The following LRRTM4 variants were observed in gnomAD, a reference collection of about 807,000 sequenced individuals.
LRRTM4 encodes leucine rich repeat transmembrane neuronal 4, also known as leucine-rich repeat transmembrane neuronal protein 4.
Under a neutral mutation model 47.6 loss-of-function variants are expected in LRRTM4, and 25 were observed. The ratio of observed to expected loss-of-function variants is 0.53; its 90% confidence interval spans 0.38 to 0.73. LRRTM4 has a LOEUF of 0.73. Ranked by LOEUF, LRRTM4 falls within the 30% of genes least tolerant of loss-of-function variation. LRRTM4 has a pLI of 0.00. For synonymous variants in LRRTM4, 311 were observed against 269.5 expected, an observed-to-expected ratio of 1.15 and a Z score of -1.51; for missense variants, 638 against 713.4, an observed-to-expected ratio of 0.89 and a Z score of 1.20.
intron 3 of LRRTM4, among the ~76,000 whole-genome samples, chr2:77,352,581 C>A (rs1333527748): frequency 6.6e-6 from 1 of 152,036 alleles, no homozygotes; most frequent in African/African-American, 2.4e-5. Context: ...TGAGGAGAGA[C>A]CAAGTTTGTC....
At chr2:76,839,266 G>C (rs1671605489) in intron 3 of LRRTM4, among the ~76,000 whole-genome samples, 1 of 152,090 alleles carries the variant, frequency 6.6e-6, no homozygotes, top group African/African-American at 2.4e-5. Context: ...GACAATTTCT[G>C]AAAGGGAAGC....
chr2:76,891,404 A>G (rs768621435), intron 3 of LRRTM4, among the ~76,000 whole-genome samples: 36 of 151,924 alleles, frequency 2.4e-4, no homozygotes, highest in Middle Eastern at 3.4e-3. Flanking sequence ...GGAAGGAAAA[A>G]ATTAAGTATT....
At chr2:76,882,499 C>T (rs1250421356) in intron 3 of LRRTM4, among the ~76,000 whole-genome samples, 3 of 151,360 alleles carry the variant, frequency 2.0e-5, no homozygotes, top group Non-Finnish European at 4.4e-5. Context: ...CGAGACCAAT[C>T]CAAGCAACAA....
chr2:76,892,206 G>C (rs1268317219), intron 3 of LRRTM4, among the ~76,000 whole-genome samples: 1 of 150,470 alleles, frequency 6.6e-6, no homozygotes, highest in African/African-American at 2.4e-5. Flanking sequence ...AAATAGAAAT[G>C]GTTTAAAACT....
chr2:76,958,604 CAT>C (rs1208182718), intron 3 of LRRTM4, among the ~76,000 whole-genome samples: 1 of 151,714 alleles, frequency 6.6e-6, no homozygotes. Flanking sequence ...CACTATCTCT[CAT>C]GTGCAGATTC....
At chr2:77,084,462 T>A (rs140589588) in intron 3 of LRRTM4, among the ~76,000 whole-genome samples, 10 of 152,360 alleles carry the variant, frequency 6.6e-5, no homozygotes, top group African/African-American at 2.4e-4. Flanking sequence ...TACCATGTTG[T>A]GTTCTTTCTC....
chr2:77,367,285 A>T (rs202055611), intron 3 of LRRTM4, among the ~76,000 whole-genome samples: 1 of 151,066 alleles, frequency 6.6e-6, no homozygotes, highest in East Asian at 1.9e-4. Context: ...TCATTATTTG[A>T]TTTTTTTAAT....
chr2:77,303,215 C>A (rs1428356224), intron 3 of LRRTM4, among the ~76,000 whole-genome samples: 6 of 151,874 alleles, frequency 4.0e-5, no homozygotes, highest in Non-Finnish European at 8.8e-5. Flanking sequence ...GAGCCAAGAT[C>A]GTGCCATTGC....
chr2:77,474,501 A>G (rs938523636), intron 3 of LRRTM4, among the ~76,000 whole-genome samples: 1 of 152,134 alleles, frequency 6.6e-6, no homozygotes, highest in Non-Finnish European at 1.5e-5. Context: ...CAATGTCAAG[A>G]GTAAGGTTGG....
intron 3 of LRRTM4, among the ~76,000 whole-genome samples, chr2:76,900,801 G>C (rs909341000): frequency 2.4e-4 from 37 of 152,258 alleles, no homozygotes; most frequent in African/African-American, 8.4e-4. Context: ...AACATTATGG[G>C]AAAATGTTCA....
chr2:77,384,461 T>C (rs146510442), intron 3 of LRRTM4, among the ~76,000 whole-genome samples: 101 of 151,948 alleles, frequency 6.6e-4, no homozygotes, highest in African/African-American at 2.3e-3. Context: ...ATGTCTAACA[T>C]ACATTAAACT....
chr2:77,339,227 A>G (rs1461044172), intron 3 of LRRTM4, among the ~76,000 whole-genome samples: 1 of 152,040 alleles, frequency 6.6e-6, no homozygotes, highest in African/African-American at 2.4e-5. Flanking sequence ...ACAAACCTGC[A>G]CAAGTACCTC....
intron 3 of LRRTM4, among the ~76,000 whole-genome samples, chr2:76,822,171 G>A (rs1020459274): frequency 1.3e-5 from 2 of 151,256 alleles, no homozygotes; most frequent in Admixed American, 1.3e-4. Context: ...TGAACAGCAC[G>A]TGCCTTGTGC....
chr2:76,888,439 AT>A lies in LRRTM4; in HGVS notation c.1552-139524del, dbSNP rs376018086. ...AGTCATATTCAAAAGTTTAACAGTT[AT>A]TCTCTATTGATGGTAACTTATTTTT... is the stretch of plus-strand genomic sequence containing the variant. On this transcript the variant is annotated intron_variant, in intron 3 of 3. Coordinates refer to ENST00000409884, the MANE Select transcript of LRRTM4 (RefSeq NM_001134745.3). Among the ~76,000 whole-genome samples, 754 of 151,716 alleles carry A rather than the reference AT, an allele frequency of 5.0e-3. 4 individuals carry two copies. The highest frequency in any genetic ancestry group is 0.017 in the African/African-American group (721 of 41,526).
chr2:77,395,712 A>G (rs1050669112), intron 3 of LRRTM4, among the ~76,000 whole-genome samples: 4 of 152,028 alleles, frequency 2.6e-5, no homozygotes, highest in Admixed American at 2.6e-4. Flanking sequence ...TGCAATCTAT[A>G]CACTGAGACA....
chr2:77,448,765 C>G (rs1031626906), intron 3 of LRRTM4, among the ~76,000 whole-genome samples: 17 of 152,098 alleles, frequency 1.1e-4, no homozygotes, highest in African/African-American at 3.4e-4. Context: ...AATGGATGCT[C>G]TTTGACAAGA....
chr2:76,862,734 A>T (rs1672355378), intron 3 of LRRTM4, among the ~76,000 whole-genome samples: 1 of 152,216 alleles, frequency 6.6e-6, no homozygotes, highest in Non-Finnish European at 1.5e-5. Flanking sequence ...GTTAAACTGG[A>T]TTTTGTTGAA....
chr2:76,904,719 T>C (rs1018232720), intron 3 of LRRTM4, among the ~76,000 whole-genome samples: 1 of 152,180 alleles, frequency 6.6e-6, no homozygotes, highest in African/African-American at 2.4e-5. Flanking sequence ...TCAAACTCCA[T>C]ACACCACCGT....
intron 3 of LRRTM4, among the ~76,000 whole-genome samples, chr2:77,193,853 A>T (rs1673743149): frequency 6.6e-6 from 1 of 152,152 alleles, no homozygotes; most frequent in African/African-American, 2.4e-5. Context: ...CTGCGTTTAT[A>T]TCCGGATCAC....
Sources: gnomAD v4.1 joint callset for allele counts (sites outside exome capture counted in the v4.1 genomes callset) on GRCh38, gnomAD v4.1.1 for gene constraint, MANE v1.5 for transcripts, NCBI Gene and HGNC (gene_info 2026-07-23, HGNC 2026-07-21) for gene names.